Variants in USP42 observed in about 807,000 individuals in gnomAD.
USP42 encodes the protein ubiquitin specific peptidase 42.
Under a neutral mutation model 113.0 loss-of-function variants are expected in USP42, and 23 were observed. The ratio of observed to expected loss-of-function variants is 0.20; its 90% CI spans 0.15 to 0.29. USP42 has a LOEUF of 0.29. Ranked by LOEUF, USP42 falls within the 10% of genes least tolerant of loss-of-function variation. The pLI is 1.00. For synonymous variants in USP42, 933 were observed against 699.0 expected (o/e 1.33, Z -5.28); for missense variants, 2,174 against 1,779.8 (o/e 1.22, Z -3.99).
At chr7:6,106,165 A>G (rs142307100) in intron 1 of USP42, among the ~76,000 whole-genome samples, 2 of 152,206 alleles carry the variant, frequency 1.3e-5, no homozygotes, top group Non-Finnish European at 2.9e-5. Flanking sequence ...TCTTTGAATC[A>G]AGTCTACAGT....
chr7:6,086,022 G>A, the USP42 span, among the ~76,000 whole-genome samples: 2 of 150,374 alleles, frequency 1.3e-5, no homozygotes, highest in African/African-American at 5.0e-5. Flanking sequence ...CCACCCTGGT[G>A]ATAACCACCC....
At chr7:6,086,821 G>A in the USP42 span, among the ~76,000 whole-genome samples, 1 of 150,214 alleles carries the variant, frequency 6.7e-6, no homozygotes, top group Non-Finnish European at 1.5e-5. Context: ...CTGTCTCCCA[G>A]TTCAAGCAAT....
chr7:6,153,063 G>A, intron 14 of USP42: 1 of 555,860 alleles, frequency 1.8e-6, no homozygotes, highest in Non-Finnish European at 2.3e-6. Context: ...CTGAGGTCAG[G>A]AGTTCGAGAC....
chr7:6,146,372 A>C (rs939849577), intron 11 of USP42, 124 bp downstream of exon 11: 1 of 684,816 alleles, frequency 1.5e-6, no homozygotes, highest in Non-Finnish European at 2.4e-6. Flanking sequence ...TTAAAGATCA[A>C]CTCTAGCCTG....
intron 3 of USP42, among the ~76,000 whole-genome samples, chr7:6,126,191 C>T (rs982483949): frequency 6.6e-6 from 1 of 152,144 alleles, no homozygotes. Flanking sequence ...GCTTTTTCAC[C>T]TAGCATAATT....
At chr7:6,094,138 T>C in the USP42 span, among the ~76,000 whole-genome samples, 1 of 150,726 alleles carries the variant, frequency 6.6e-6, no homozygotes, top group East Asian at 1.9e-4. Flanking sequence ...TGCCTCAGCC[T>C]CCTGAAGTGC....
intron 14 of USP42, among the ~76,000 whole-genome samples, chr7:6,151,429 ACTT>A (rs1782041088): frequency 6.6e-6 from 1 of 152,200 alleles, no homozygotes; most frequent in African/African-American, 2.4e-5. Context: ...TACAAAAATA[ACTT>A]CTTTTTTTGT....
intron 17 of USP42, among the ~76,000 whole-genome samples, 151 bp from the exon 18 acceptor site, chr7:6,160,404 A>G (rs1194545653): frequency 2.0e-5 from 3 of 148,556 alleles, no homozygotes; most frequent in Non-Finnish European, 3.0e-5. Context: ...CAGTTCCCTC[A>G]TTTCCACTCA....
chr7:6,114,553 T>C (rs1340655120), intron 2 of USP42, among the ~76,000 whole-genome samples: 1 of 150,274 alleles, frequency 6.7e-6, no homozygotes, highest in Non-Finnish European at 1.5e-5. Flanking sequence ...TGTATTTACA[T>C]GAAACAGTCA....
intron 9 of USP42, 84 bp from the exon 10 acceptor site, chr7:6,145,432 A>C (rs1781663471): frequency 6.5e-7 from 1 of 1,545,272 alleles, no homozygotes; most frequent in African/African-American, 1.4e-5. Flanking sequence ...CTCCCCTCCT[A>C]GGAAGCTCTA....
chr7:6,125,186 A>C (rs1467196322), intron 3 of USP42, among the ~76,000 whole-genome samples: 22 of 143,650 alleles, frequency 1.5e-4, no homozygotes, highest in African/African-American at 4.9e-4. Context: ...GTCTCAACAA[A>C]AAAAAAAAAA....
rs1004515782 is a variant in USP42, at chr7:6,145,727, T to A, written c.1131+71T>A. 23 of 1,506,500 alleles carry A rather than the reference T, an allele frequency of 1.5e-5. No individual in the cohort carries two copies. The African/African-American group carries it at 2.5e-4, about 16-fold the overall frequency. 93.3% of individuals were successfully genotyped at this position (1,506,500 alleles called of 1,614,324 possible). On this transcript the variant is annotated intron_variant, in intron 10 of 17. Coordinates refer to ENST00000306177, the MANE Select transcript of USP42 (RefSeq NM_032172.3). ...TAAGACAGCAGTAGCATTCTTGGGG[T>A]AGGGAGAGGTGGAACTTTTACAGTT...
intron 1 of USP42, among the ~76,000 whole-genome samples, chr7:6,107,273 T>C (rs1318305087): frequency 1.3e-5 from 2 of 152,194 alleles, no homozygotes; most frequent in Non-Finnish European, 2.9e-5. Context: ...TGGTCATTTG[T>C]TAGTGATTGT....
intron 7 of USP42, among the ~76,000 whole-genome samples, chr7:6,141,875 T>G (rs1191088532): frequency 6.6e-6 from 1 of 152,262 alleles, no homozygotes; most frequent in Non-Finnish European, 1.5e-5. Flanking sequence ...CAGTTTGATA[T>G]GTACTGCTCC....
chr7:6,152,915 G>C, intron 14 of USP42: 1 of 985,344 alleles, frequency 1.0e-6, no homozygotes, highest in Non-Finnish European at 1.2e-6. Flanking sequence ...GAGTCGAGAG[G>C]AAAGGAGGAG....
intron 2 of USP42, among the ~76,000 whole-genome samples, chr7:6,112,900 C>CTTTTTTT (rs34002709): frequency 9.7e-6 from 1 of 102,768 alleles, no homozygotes; most frequent in Non-Finnish European, 1.9e-5. Flanking sequence ...TAGTAAGTTT[C>CTTTTTTT]TTTTTTTTTT....
intron 2 of USP42, among the ~76,000 whole-genome samples, chr7:6,113,717 G>C (rs1028518930): frequency 2.4e-4 from 37 of 152,196 alleles, no homozygotes; most frequent in African/African-American, 8.7e-4. Flanking sequence ...CGCCTCCCGG[G>C]TTCACACCAT....
chr7:6,153,798 C>T lies in USP42; in HGVS notation c.2244C>T (p.Ala748=). 6.6e-6 allele frequency: 10 copies of T among 1,512,358 alleles called. No homozygotes were observed. Among genetic ancestry groups the T allele is most frequent in the African/African-American group, 1.4e-5 (1 of 70,588 alleles). 93.7% of individuals were successfully genotyped at this position (1,512,358 alleles called of 1,614,324 possible). ...AERGPPEDRD[A]EPQPGSPAAE... Reference sequence around the variant, plus strand: ...GGGGCCCTCCCGAGGACCGCGACGCCGAGCCTCAGCCTGGCAGCCCCGCCG... The same window carrying T: ...GGGGCCCTCCCGAGGACCGCGACGCTGAGCCTCAGCCTGGCAGCCCCGCCG... The change falls in exon 15 of 18, where the codon GCC becomes GCT. Residue 748 remains alanine (A), a synonymous_variant. Coordinates refer to ENST00000306177, the MANE Select transcript of USP42 (RefSeq NM_032172.3).
At chr7:6,082,350 G>C in the USP42 span, among the ~76,000 whole-genome samples, 2 of 151,868 alleles carry the variant, frequency 1.3e-5, no homozygotes, top group African/African-American at 2.4e-5. Context: ...GGATGGTCTC[G>C]ATCTCCTGAC....
Sources: allele counts gnomAD v4.1 joint callset (sites outside exome capture counted in the v4.1 genomes callset), GRCh38; gene constraint gnomAD v4.1.1; transcripts MANE v1.5; gene names NCBI Gene and HGNC (gene_info 2026-07-23, HGNC 2026-07-21).